LRRTM4: variants seen among roughly 807,000 people sequenced by gnomAD.
The protein encoded by LRRTM4 is leucine-rich repeat transmembrane neuronal protein 4.
Under a neutral mutation model 47.6 loss-of-function variants are expected in LRRTM4, and 25 were observed. The ratio of observed to expected loss-of-function variants is 0.53; its 90% CI spans 0.38 to 0.73. The LOEUF (loss-of-function observed/expected upper bound fraction) is 0.73, where lower values mean the gene tolerates loss of function less well. LRRTM4 is among the 30% of genes least tolerant of loss of function. LRRTM4 has a pLI of 0.00. For synonymous variants in LRRTM4, 311 were observed against 269.5 expected, an observed-to-expected ratio of 1.15 and a Z score of -1.51; for missense variants, 638 against 713.4, an observed-to-expected ratio of 0.89 and a Z score of 1.20.
intron 3 of LRRTM4, among the ~76,000 whole-genome samples, chr2:77,038,711 A>G (rs1267376572): frequency 1.3e-5 from 2 of 151,564 alleles, no homozygotes; most frequent in African/African-American, 4.8e-5. Flanking sequence ...TCAAGAAATT[A>G]TCCTAGAAAT....
intron 3 of LRRTM4, among the ~76,000 whole-genome samples, chr2:77,456,902 T>C (rs1205846304): frequency 1.3e-5 from 2 of 149,046 alleles, no homozygotes; most frequent in Non-Finnish European, 3.0e-5. Context: ...TTACATTCTG[T>C]TTATATATTA....
intron 3 of LRRTM4, among the ~76,000 whole-genome samples, chr2:77,477,606 G>T (rs529250869): frequency 6.6e-6 from 1 of 152,084 alleles, no homozygotes; most frequent in African/African-American, 2.4e-5. Context: ...ACTTTGGGAG[G>T]CCGAGGTGGA....
intron 3 of LRRTM4, among the ~76,000 whole-genome samples, chr2:76,904,938 G>C (rs913594274): frequency 1.3e-5 from 2 of 152,208 alleles, no homozygotes; most frequent in Non-Finnish European, 2.9e-5. Context: ...CTCCCAGTGT[G>C]AGCGACGCAG....
At chr2:77,133,864 CAA>C (rs1197404944) in intron 3 of LRRTM4, among the ~76,000 whole-genome samples, 1 of 152,046 alleles carries the variant, frequency 6.6e-6, no homozygotes, top group Non-Finnish European at 1.5e-5. Context: ...TGTGATTGAA[CAA>C]AAGTTTGTTC....
intron 3 of LRRTM4, among the ~76,000 whole-genome samples, chr2:77,269,794 A>T (rs2104066258): frequency 6.6e-6 from 1 of 152,334 alleles, no homozygotes; most frequent in Non-Finnish European, 1.5e-5. Flanking sequence ...ATAATGTTCA[A>T]CAAAAAGCAA....
intron 3 of LRRTM4, among the ~76,000 whole-genome samples, chr2:77,135,391 G>C (rs919493868): frequency 6.6e-6 from 1 of 152,208 alleles, no homozygotes; most frequent in Non-Finnish European, 1.5e-5. Flanking sequence ...TACAGGTACA[G>C]AGTTATCAGT....
intron 3 of LRRTM4, among the ~76,000 whole-genome samples, chr2:76,881,034 C>T (rs113726810): frequency 0.024 from 3,712 of 151,954 alleles, 62 homozygotes; most frequent in South Asian, 0.057. Flanking sequence ...TCTATAGTAC[C>T]GTAGGATGGC....
At position 76,988,918 on chromosome 2, in the gene LRRTM4, G is replaced by A. The variant is rs975024709; in HGVS notation, c.1552-240002C>T. On this transcript the variant is annotated intron_variant, in intron 3 of 3. Transcript: ENST00000409884. ...TCAGATTGGTAAAATAAATCTTACTGTAGTGTTTAGCAAAACAAATAACCT... is the reference window on the plus strand; with the variant it reads ...TCAGATTGGTAAAATAAATCTTACTATAGTGTTTAGCAAAACAAATAACCT... Among the ~76,000 whole-genome samples, 4 of 151,742 alleles carry A rather than the reference G, an allele frequency of 2.6e-5. No individual in the cohort carries two copies. In the East Asian group the frequency reaches 5.8e-4, roughly 22 times the overall value.
intron 3 of LRRTM4, among the ~76,000 whole-genome samples, chr2:76,755,975 GC>G (rs1328439244): frequency 6.6e-6 from 1 of 152,088 alleles, no homozygotes; most frequent in Admixed American, 6.5e-5. Context: ...CAATTGACCA[GC>G]ATTAATGTTA....
chr2:76,902,915 G>A (rs11680256), intron 3 of LRRTM4, among the ~76,000 whole-genome samples: 1 of 152,110 alleles, frequency 6.6e-6, no homozygotes, highest in Admixed American at 6.6e-5. Flanking sequence ...GTTTTAATTA[G>A]CTCTATTTCC....
chr2:76,776,042 AT>A (rs1205566908), intron 3 of LRRTM4, among the ~76,000 whole-genome samples: 1 of 152,182 alleles, frequency 6.6e-6, no homozygotes, highest in South Asian at 2.1e-4. Context: ...TTTACTGAGA[AT>A]GATGATTTCC....
intron 3 of LRRTM4, among the ~76,000 whole-genome samples, chr2:77,010,456 G>A (rs1298801373): frequency 2.0e-5 from 3 of 150,202 alleles, no homozygotes; most frequent in South Asian, 2.1e-4. Flanking sequence ...TTTTTCATAT[G>A]ACAGAACTTC....
chr2:76,826,438 G>T (rs1246388717), intron 3 of LRRTM4, among the ~76,000 whole-genome samples: 1 of 151,490 alleles, frequency 6.6e-6, no homozygotes, highest in African/African-American at 2.4e-5. Context: ...AATAAAGCTT[G>T]ACACTATTAA....
At chr2:77,296,621 G>T (rs1676981123) in intron 3 of LRRTM4, among the ~76,000 whole-genome samples, 1 of 152,172 alleles carries the variant, frequency 6.6e-6, no homozygotes, top group Non-Finnish European at 1.5e-5. Flanking sequence ...TTTGGGACAA[G>T]TAAACAAGGT....
chr2:76,901,559 T>C (rs1025642304), intron 3 of LRRTM4, among the ~76,000 whole-genome samples: 1 of 151,946 alleles, frequency 6.6e-6, no homozygotes, highest in Non-Finnish European at 1.5e-5. Flanking sequence ...AGAGAAAACC[T>C]CTTAGTACTT....
intron 3 of LRRTM4, among the ~76,000 whole-genome samples, chr2:77,509,182 A>G (rs1678886912): frequency 6.6e-6 from 1 of 150,466 alleles, no homozygotes. Context: ...CAGTGAGCTG[A>G]GATGGCACAA....
chr2:77,015,858 C>T (rs191839030), intron 3 of LRRTM4, among the ~76,000 whole-genome samples: 1 of 151,942 alleles, frequency 6.6e-6, no homozygotes, highest in Non-Finnish European at 1.5e-5. Flanking sequence ...TGGCTCACAC[C>T]TATAATCCCA....
chr2:77,060,552 A>G (rs1214188444), intron 3 of LRRTM4, among the ~76,000 whole-genome samples: 1 of 152,182 alleles, frequency 6.6e-6, no homozygotes. Flanking sequence ...AAAACCCAGC[A>G]TAAAAACATG....
chr2:77,301,726 T>G (rs2104165191), intron 3 of LRRTM4, among the ~76,000 whole-genome samples: 1 of 152,290 alleles, frequency 6.6e-6, no homozygotes, highest in East Asian at 1.9e-4. Context: ...TATGTTTGAA[T>G]TATTAGGCAG....
Sources: gnomAD v4.1 joint callset for allele counts (sites outside exome capture counted in the v4.1 genomes callset) on GRCh38, gnomAD v4.1.1 for gene constraint, MANE v1.5 for transcripts, NCBI Gene and HGNC (gene_info 2026-07-23, HGNC 2026-07-21) for gene names.